Variants in SIDT1 observed in about 807,000 individuals in gnomAD.
The protein encoded by SIDT1 is SID1 transmembrane family member 1.
SIDT1 carries 101 observed loss-of-function variants against 107.5 expected under a neutral mutation model. The ratio of observed to expected loss-of-function variants is 0.94; its 90% CI spans 0.80 to 1.11. SIDT1 has a LOEUF of 1.11. Ranked by LOEUF, SIDT1 falls within the 50% of genes least tolerant of loss-of-function variation. The pLI is 0.00. For synonymous variants in SIDT1, 395 were observed against 398.2 expected, an observed-to-expected ratio of 0.99 and a Z score of 0.10; for missense variants, 1,076 against 1,058.2, an observed-to-expected ratio of 1.02 and a Z score of -0.23.
intron 3 of SIDT1, among the ~76,000 whole-genome samples, chr3:113,572,758 T>C (rs780288709): frequency 3.2e-4 from 48 of 152,242 alleles, no homozygotes; most frequent in Admixed American, 7.8e-4. Flanking sequence ...ATAAAATTTA[T>C]AGTCCTCCAT....
chr3:113,558,459 GA>G (rs1941107769), intron 1 of SIDT1, among the ~76,000 whole-genome samples: 1 of 152,146 alleles, frequency 6.6e-6, no homozygotes, highest in Non-Finnish European at 1.5e-5. Context: ...GGCACCAACT[GA>G]AGTTTTTTAA....
At chr3:113,634,649 AT>A in the SIDT1 span, among the ~76,000 whole-genome samples, 126 of 151,526 alleles carry the variant, frequency 8.3e-4, 1 homozygote, top group African/African-American at 1.2e-3. Context: ...TACAAAAAAA[AT>A]AAAAATAGCC....
Position 113,611,104 on chromosome 3 carries a change from C to A in SIDT1, c.1817C>A (p.Ala606Asp). Residue 606 changes from alanine to aspartate, a missense_variant, in exon 18 of 25, where the codon GCC (alanine) becomes GAC (aspartate). Ala to Asp is a moderately radical substitution (Grantham distance 126, BLOSUM62 -2). Coordinates refer to ENST00000264852, the MANE Select transcript of SIDT1 (RefSeq NM_017699.3). ...AATGCCAGCGCCTACTCTGCCTATG[C>A]CTCCTTTGCTGTGGTCATCATGGTC... ...DINASAYSAY[A>D]SFAVVIMVTV... The A allele has an allele frequency of 6.2e-7, 1 of 1,614,132 alleles. No individual in the cohort carries two copies. The highest frequency in any genetic ancestry group is 8.5e-7 in the Non-Finnish European group (1 of 1,180,018).
intron 3 of SIDT1, among the ~76,000 whole-genome samples, chr3:113,572,296 G>A (rs73854363): frequency 0.012 from 1,842 of 152,302 alleles, 32 homozygotes; most frequent in African/African-American, 0.042. Flanking sequence ...ATGACACTTA[G>A]GGGAGAGCTC....
chr3:113,594,434 T>C (rs1425776326), intron 10 of SIDT1, among the ~76,000 whole-genome samples: 1 of 152,204 alleles, frequency 6.6e-6, no homozygotes, highest in Non-Finnish European at 1.5e-5. Context: ...AGTTTTGTGA[T>C]TAGTTTAGGC....
intron 9 of SIDT1, among the ~76,000 whole-genome samples, chr3:113,591,598 G>A (rs1334316951): frequency 6.6e-6 from 1 of 152,234 alleles, no homozygotes; most frequent in Non-Finnish European, 1.5e-5. Context: ...GGGAGGCTGA[G>A]GCAGGAGAAT....
In SIDT1 at chr3:113,608,127, C is replaced by T. The variant is rs1342230771; in HGVS notation, c.1512C>T (p.His504=). The change falls in exon 16 of 25, where the codon CAC becomes CAT. Residue 504 remains histidine (H), a synonymous_variant. Transcript: ENST00000264852. Reference sequence around the variant, plus strand: ...ACAACATTCTCAGCAATCTGGGCCACGTGCTTCTGGGCTTCCTCTTCCTGC... The same window carrying T: ...ACAACATTCTCAGCAATCTGGGCCATGTGCTTCTGGGCTTCCTCTTCCTGC... ...AFNNILSNLG[H]VLLGFLFLLI... 8.1e-6 allele frequency: 13 copies of T among 1,612,060 alleles called. No homozygotes were observed. Among genetic ancestry groups the T allele is most frequent in the East Asian group, 2.2e-5 (1 of 44,870 alleles).
At chr3:113,580,545 T>C (rs1943246794) in intron 4 of SIDT1, 63 bp from the exon 5 acceptor site, 2 of 1,014,952 alleles carry the variant, frequency 2.0e-6, no homozygotes, top group Non-Finnish European at 3.1e-6. Context: ...TTGTGCCTAA[T>C]AGTAGAGGAA....
downstream of SIDT1, among the ~76,000 whole-genome samples, chr3:113,632,348 C>A (rs886297157): frequency 5.3e-5 from 8 of 152,136 alleles, no homozygotes; most frequent in Non-Finnish European, 1.2e-4. Flanking sequence ...AACGCTCTCT[C>A]TTTTAGGGTG....
At chr3:113,613,701 G>A (rs918851140) in intron 19 of SIDT1, among the ~76,000 whole-genome samples, 2 of 152,184 alleles carry the variant, frequency 1.3e-5, no homozygotes, top group African/African-American at 4.8e-5. Context: ...ATAATTGGGA[G>A]CATTGTTGTT....
chr3:113,597,200 T>C (rs965913909), intron 10 of SIDT1, among the ~76,000 whole-genome samples: 2 of 152,114 alleles, frequency 1.3e-5, no homozygotes, highest in African/African-American at 4.8e-5. Context: ...GCAATTGGCA[T>C]AAAAATAAAA....
intron 3 of SIDT1, among the ~76,000 whole-genome samples, chr3:113,569,038 G>T (rs935966069): frequency 2.0e-5 from 3 of 151,476 alleles, no homozygotes; most frequent in Middle Eastern, 3.4e-3. Context: ...TAATCCGGAG[G>T]CTGAGGCAGG....
intron 10 of SIDT1, 135 bp downstream of exon 10, chr3:113,593,183 G>T (rs2107604002): frequency 1.3e-6 from 1 of 794,932 alleles, no homozygotes; most frequent in African/African-American, 1.7e-5. Flanking sequence ...GAGTAGTCTA[G>T]CCTGCAGTTG....
At chr3:113,629,838 G>A (rs138036572), downstream of SIDT1, among the ~76,000 whole-genome samples, 244 of 152,312 alleles carry the variant, frequency 1.6e-3, no homozygotes, top group African/African-American at 5.7e-3. Flanking sequence ...TGCTACAAAC[G>A]CACACACTGT....
intron 1 of SIDT1, among the ~76,000 whole-genome samples, chr3:113,556,626 T>C (rs560800458): frequency 6.6e-6 from 1 of 152,234 alleles, no homozygotes; most frequent in East Asian, 1.9e-4. Context: ...AAACCAGAAG[T>C]GGTTTCCTGG....
At chr3:113,606,392 TCCAACATACAG>T (rs1945337799) in intron 14 of SIDT1, 2 of 152,354 alleles carry the variant, frequency 1.3e-5, no homozygotes, top group South Asian at 4.2e-4. Context: ...CCCCAGTGAT[TCCAACATACAG>T]CCAAGTTTGT....
At chr3:113,603,297 C>G in intron 12 of SIDT1, 147 bp downstream of exon 12, 1 of 825,872 alleles carries the variant, frequency 1.2e-6, no homozygotes, top group South Asian at 1.8e-5. Context: ...TACCTACAGA[C>G]TAAAAGCAAT....
At chr3:113,598,734 A>G (rs1275765463) in intron 10 of SIDT1, among the ~76,000 whole-genome samples, 1 of 152,212 alleles carries the variant, frequency 6.6e-6, no homozygotes, top group East Asian at 1.9e-4. Flanking sequence ...TAATATTCTC[A>G]GCATTTTGTG....
In SIDT1 at chr3:113,568,626, GAAAAA is replaced by G. The variant is rs1248446060; in HGVS notation, c.515+920_515+924del. Among the ~76,000 whole-genome samples the G allele has an allele frequency of 4.3e-5, 6 of 138,696 alleles. No homozygotes were observed. In the East Asian group the frequency reaches 1.4e-3, roughly 33 times the overall value. The allele number at this position is 138,696 out of a possible 152,430, so 91.0% of individuals were successfully genotyped here. A position where few individuals can be genotyped will look rare whatever the true frequency, so the allele number is the denominator to read the frequency against. ...AAAAAGAAAAGAAAAGAAAAGAAAAGAAAAAAAACAGAAATGTAAATTAAAACCAT... is the reference window on the plus strand; with the variant it reads ...AAAAAGAAAAGAAAAGAAAAGAAAAGAAACAGAAATGTAAATTAAAACCAT... On this transcript the variant is annotated intron_variant, in intron 3 of 24. Transcript: ENST00000264852.
Sources: gnomAD v4.1 joint callset for allele counts (sites outside exome capture counted in the v4.1 genomes callset) on GRCh38, gnomAD v4.1.1 for gene constraint, MANE v1.5 for transcripts, NCBI Gene and HGNC (gene_info 2026-07-23, HGNC 2026-07-21) for gene names.